FKBP1A: variants seen among roughly 807,000 people sequenced by gnomAD.
FKBP1A encodes the protein FKBP prolyl isomerase 1A.
In FKBP1A, 5 loss-of-function variants were observed where a neutral mutation model predicts 14.2. That is an observed-to-expected ratio of 0.35 (90% CI 0.18 to 0.74). FKBP1A has a LOEUF of 0.74. Among genes scored for constraint, FKBP1A ranks in the 30% least tolerant of loss-of-function variants. FKBP1A has a pLI of 0.56. For synonymous variants in FKBP1A, 42 were observed against 49.1 expected (o/e 0.86, Z 0.60); for missense variants, 53 against 138.8 (o/e 0.38, Z 3.10).
At chr20:1,385,509 T>C (rs2089660961) in intron 2 of FKBP1A, among the ~76,000 whole-genome samples, 2 of 152,146 alleles carry the variant, frequency 1.3e-5, no homozygotes, top group South Asian at 4.1e-4. Flanking sequence ...CAGACTATTA[T>C]TACAACTCCC....
chr20:1,373,690 C>T (rs1258192076), intron 3 of FKBP1A, among the ~76,000 whole-genome samples: 2 of 152,078 alleles, frequency 1.3e-5, no homozygotes, highest in African/African-American at 2.4e-5. Flanking sequence ...TGAAGTAGGC[C>T]GATAACACTA....
chr20:1,391,893 C>T (rs1295445701), intron 2 of FKBP1A, among the ~76,000 whole-genome samples: 1 of 152,112 alleles, frequency 6.6e-6, no homozygotes, highest in Non-Finnish European at 1.5e-5. Flanking sequence ...TTGTGGGACC[C>T]ACAGCCACTG....
chr20:1,384,409 G>A (rs1166320381), intron 2 of FKBP1A, among the ~76,000 whole-genome samples: 1 of 152,142 alleles, frequency 6.6e-6, no homozygotes, highest in Non-Finnish European at 1.5e-5. Context: ...GTTTTTAAAT[G>A]TTCTCACAAT....
intron 2 of FKBP1A, chr20:1,377,208 G>GT (rs1316177258): frequency 9.2e-5 from 14 of 152,192 alleles, no homozygotes; most frequent in African/African-American, 3.4e-4. Context: ...GTCAACATTT[G>GT]TAAGTAGGAT....
At chr20:1,384,403 T>A (rs1416052082) in intron 2 of FKBP1A, among the ~76,000 whole-genome samples, 1 of 152,202 alleles carries the variant, frequency 6.6e-6, no homozygotes, top group Admixed American at 6.5e-5. Flanking sequence ...GGTTTGGTTT[T>A]TAAATGTTCT....
At chr20:1,391,903 G>C (rs929571932) in intron 2 of FKBP1A, among the ~76,000 whole-genome samples, 2 of 152,172 alleles carry the variant, frequency 1.3e-5, no homozygotes, top group Non-Finnish European at 2.9e-5. Context: ...CACAGCCACT[G>C]AGTCTCCGCC....
At chr20:1,372,425 A>C (rs1021334430) in intron 3 of FKBP1A, among the ~76,000 whole-genome samples, 185 bp from the exon 4 acceptor site, 1 of 152,126 alleles carries the variant, frequency 6.6e-6, no homozygotes, top group Admixed American at 6.5e-5. Context: ...ATATTCCATC[A>C]CCCCTGCATC....
At chr20:1,371,071 A>G (rs2089457245) in intron 4 of FKBP1A, 1 of 985,310 alleles carries the variant, frequency 1.0e-6, no homozygotes, top group South Asian at 4.7e-5. Flanking sequence ...TGCCATCACA[A>G]ATAGGATGGC....
In FKBP1A at chr20:1,379,259, A is replaced by G. The variant is rs1275234483; in HGVS notation, c.86-3656T>C. 6.6e-6 allele frequency among the ~76,000 whole-genome samples: 1 copy of G among 152,202 alleles called. No individual in the cohort carries two copies. The highest frequency in any genetic ancestry group is 1.5e-5 in the Non-Finnish European group (1 of 68,030). On this transcript the variant is annotated intron_variant, in intron 2 of 4. Transcript: ENST00000400137. The surrounding 1 kb of genome is among the most constrained non-coding windows in gnomAD (Gnocchi z 4.3). ...CAACCTCCAGACACTACATGCATCA[A>G]TGTATCAATGTTGCTTTGCCTGAGG...
At chr20:1,374,955 G>A (rs1302865607) in intron 3 of FKBP1A, among the ~76,000 whole-genome samples, 3 of 152,146 alleles carry the variant, frequency 2.0e-5, no homozygotes, top group African/African-American at 7.2e-5. Context: ...TCCTGCCTCG[G>A]CCTCCCAAGT....
At chr20:1,391,872 C>A (rs1387543695) in intron 2 of FKBP1A, among the ~76,000 whole-genome samples, 3 of 151,884 alleles carry the variant, frequency 2.0e-5, no homozygotes, top group Non-Finnish European at 4.4e-5. Context: ...CTACACCAAT[C>A]ACTGCCACCC....
chr20:1,383,684 T>TTAAAAAAAA (rs1555788916), intron 2 of FKBP1A, among the ~76,000 whole-genome samples: 1 of 125,296 alleles, frequency 8.0e-6, no homozygotes, highest in South Asian at 2.6e-4. Flanking sequence ...TGCAAAAAAT[T>TTAAAAAAAA]AAAAAAAAAA....
At chr20:1,387,956 T>C (rs924921653) in intron 2 of FKBP1A, among the ~76,000 whole-genome samples, 1 of 152,186 alleles carries the variant, frequency 6.6e-6, no homozygotes, top group African/African-American at 2.4e-5. Flanking sequence ...CAACACTTTG[T>C]GAATGCCAGT....
At chr20:1,389,199 A>C (rs2089704207) in intron 2 of FKBP1A, among the ~76,000 whole-genome samples, 1 of 152,158 alleles carries the variant, frequency 6.6e-6, no homozygotes, top group Admixed American at 6.5e-5. Flanking sequence ...AAGCCCCACC[A>C]GATCAGGTCT....
At chr20:1,391,355 T>C (rs1380623131) in intron 2 of FKBP1A, among the ~76,000 whole-genome samples, 1 of 152,204 alleles carries the variant, frequency 6.6e-6, no homozygotes, top group Non-Finnish European at 1.5e-5. Context: ...CGCTTTCATC[T>C]ACCAGACCTC....
At position 1,382,533 on chromosome 20, in the gene FKBP1A, G is replaced by A. The variant is rs569745289; in HGVS notation, c.86-6930C>T. On this transcript the variant is annotated intron_variant, in intron 2 of 4. Transcript: ENST00000400137. ...GCCCAAGCTCACAGACCTGGCCTGC[G>A]TTCTGTGTCCTGGTGGCACGTATGG... Among the ~76,000 whole-genome samples, 48 of 152,166 alleles carry A rather than the reference G, an allele frequency of 3.2e-4. 1 individual carries two copies. In the South Asian group the frequency reaches 9.1e-3, roughly 29 times the overall value.
At position 1,393,050 on chromosome 20, in the gene FKBP1A, A is replaced by C. The variant is rs758069216; in HGVS notation, c.-52T>G. The C allele has an allele frequency of 3.3e-6, 4 of 1,214,158 alleles. No homozygotes were observed. Among genetic ancestry groups the C allele is most frequent in the Admixed American group, 3.2e-5 (1 of 30,976 alleles). The allele number at this position is 1,214,158 out of a possible 1,614,324, so 75.2% of individuals were successfully genotyped here. On this transcript the variant is annotated 5_prime_UTR_variant, in exon 1 of 5. Coordinates refer to ENST00000400137, the MANE Select transcript of FKBP1A (RefSeq NM_000801.5). ...GCGGCGCGACGGGCGGCGTGGACCA[A>C]CAGCGACCTGGCGGCGGTTCCACGG...
intron 2 of FKBP1A, chr20:1,377,241 A>G (rs2089556766): frequency 6.6e-6 from 1 of 152,230 alleles, no homozygotes; most frequent in African/African-American, 2.4e-5. Context: ...ATGAATTGGC[A>G]GTGTTATCAC....
At chr20:1,374,303 G>T (rs2089508567) in intron 3 of FKBP1A, among the ~76,000 whole-genome samples, 1 of 152,174 alleles carries the variant, frequency 6.6e-6, no homozygotes, top group Non-Finnish European at 1.5e-5. Context: ...GAATTTTGTA[G>T]TGTTGGCAGA....
Sources: allele counts gnomAD v4.1 joint callset (sites outside exome capture counted in the v4.1 genomes callset), GRCh38; gene constraint gnomAD v4.1.1; non-coding constraint Gnocchi (gnomAD v3.1); transcripts MANE v1.5; gene names NCBI Gene and HGNC (gene_info 2026-07-23, HGNC 2026-07-21).